The following ARIH1 variants were observed in gnomAD, a reference collection of about 807,000 sequenced individuals.
The protein encoded by ARIH1 is E3 ubiquitin-protein ligase ARIH1.
In ARIH1, 8 loss-of-function variants were observed where a neutral mutation model predicts 85.0. The ratio of observed to expected loss-of-function variants is 0.09; its 90% confidence interval spans 0.06 to 0.17. The LOEUF is 0.17. Ranked by LOEUF, ARIH1 falls within the 10% of genes least tolerant of loss-of-function variation. ARIH1 has a pLI of 1.00. For missense variants in ARIH1, 311 were observed against 718.1 expected (o/e 0.43, Z 6.48); for synonymous variants, 238 against 253.6 (o/e 0.94, Z 0.59).
At chr15:72,481,055 G>A (rs1415298777) in intron 1 of ARIH1, among the ~76,000 whole-genome samples, 1 of 152,216 alleles carries the variant, frequency 6.6e-6, no homozygotes, top group African/African-American at 2.4e-5. Context: ...AGGAGGAAGA[G>A]GGTGTACAAG....
At chr15:72,536,060 T>C (rs552986433) in intron 2 of ARIH1, among the ~76,000 whole-genome samples, 1 of 152,242 alleles carries the variant, frequency 6.6e-6, no homozygotes, top group African/African-American at 2.4e-5. Context: ...TTGGTAAAAC[T>C]GAAATAGTCA....
At position 72,555,376 on chromosome 15, in the gene ARIH1, AGTT is replaced by A. The variant is rs1567354914; in HGVS notation, c.681+17_681+19del. 3 of 1,598,128 alleles carry A rather than the reference AGTT, an allele frequency of 1.9e-6. No homozygotes were observed. Among genetic ancestry groups the A allele is most frequent in the Non-Finnish European group, 2.6e-6 (3 of 1,166,390 alleles). On this transcript the variant is annotated intron_variant, in intron 4 of 13. Transcript: ENST00000379887. ...AGGCATGGGTCAGGTAAAGATATCAAGTTGTTTTTCAGTTTTTGTTGAATTTCC... is the reference window on the plus strand; with the variant it reads ...AGGCATGGGTCAGGTAAAGATATCAAGTTTTTCAGTTTTTGTTGAATTTCC...
rs377240767 is a variant in ARIH1 at position 72,572,061 on chromosome 15, T to A, written c.1158-47T>A. ...AATTCTGATTTTTTTTTTTTCCTTT[T>A]CATTGATTTTTTTTTTCTTTATGGA... is the stretch of plus-strand genomic sequence containing the variant. On this transcript the variant is annotated intron_variant, in intron 10 of 13. Coordinates refer to ENST00000379887, the MANE Select transcript of ARIH1 (RefSeq NM_005744.5). 2.2e-6 allele frequency: 3 copies of A among 1,346,658 alleles called. No homozygotes were observed. The African/African-American group carries it at 4.4e-5, about 20-fold the overall frequency. The allele number at this position is 1,346,658 out of a possible 1,614,324, so 83.4% of individuals were successfully genotyped here.
intron 2 of ARIH1, among the ~76,000 whole-genome samples, chr15:72,524,045 C>T (rs1230502196): frequency 6.8e-6 from 1 of 146,352 alleles, no homozygotes; most frequent in Non-Finnish European, 1.5e-5. Flanking sequence ...CTCCCGGGCT[C>T]ACGCCATTCT....
At chr15:72,501,901 C>A (rs927386311) in intron 1 of ARIH1, among the ~76,000 whole-genome samples, 1 of 151,886 alleles carries the variant, frequency 6.6e-6, no homozygotes, top group Non-Finnish European at 1.5e-5. Flanking sequence ...GCTTTTTTGC[C>A]CCTATAAGGA....
rs575884888 is a variant in ARIH1 at position 72,592,671 on chromosome 15, A to G, written c.*9379A>G. ...TTACATATAAGTGGAATCATATAAT[A>G]ATGTACTCTTTTGCATCTGGCTTCT... On this transcript the variant is annotated 3_prime_UTR_variant, in exon 14 of 14. Transcript: ENST00000379887. 10 of 152,308 alleles carry G rather than the reference A, an allele frequency of 6.6e-5. No homozygotes were observed. The East Asian group carries it at 1.9e-3, about 29-fold the overall frequency. The allele number at this position is 152,308 out of a possible 1,614,324, so 9.4% of individuals were successfully genotyped here. A position where few individuals can be genotyped will look rare whatever the true frequency, so the allele number is the denominator to read the frequency against.
chr15:72,503,687 T>G (rs2063912709), intron 1 of ARIH1, among the ~76,000 whole-genome samples: 1 of 152,202 alleles, frequency 6.6e-6, no homozygotes, highest in Non-Finnish European at 1.5e-5. Flanking sequence ...ACTCTTACAT[T>G]TAGTAGATGG....
At position 72,588,992 on chromosome 15, in the gene ARIH1, A is replaced by G. The variant is rs2064329590; in HGVS notation, c.*5700A>G. The G allele has an allele frequency of 2.0e-5, 3 of 152,320 alleles. No individual in the cohort carries two copies. The South Asian group carries it at 6.2e-4, about 32-fold the overall frequency. The allele number at this position is 152,320 out of a possible 1,614,324, so 9.4% of individuals were successfully genotyped here. Reference sequence around the variant, plus strand: ...TTCTCATGTCTATCATTCTTTTGATAATCTTGTATTTTTATTTCAAGTGTG... The same window carrying G: ...TTCTCATGTCTATCATTCTTTTGATGATCTTGTATTTTTATTTCAAGTGTG... On this transcript the variant is annotated 3_prime_UTR_variant, in exon 14 of 14. Transcript: ENST00000379887.
At chr15:72,490,581 TCCATGAAACCAGTCCCTAGTGC>T (rs2063855219) in intron 1 of ARIH1, among the ~76,000 whole-genome samples, 2 of 152,130 alleles carry the variant, frequency 1.3e-5, no homozygotes, top group South Asian at 4.1e-4. Flanking sequence ...AAAATTGTCT[TCCATGAAACCAGTCCCTAGTGC>T]CAAAAAGTTG....
rs2064350461 is a variant in ARIH1, at chr15:72,593,363, T to A, written c.*10071T>A. 1 of 152,138 alleles carries A rather than the reference T, an allele frequency of 6.6e-6. No individual in the cohort carries two copies. Among genetic ancestry groups the A allele is most frequent in the African/African-American group, 2.4e-5 (1 of 41,442 alleles). 9.4% of individuals were successfully genotyped at this position (152,138 alleles called of 1,614,324 possible). A position where few individuals can be genotyped will look rare whatever the true frequency, so the allele number is the denominator to read the frequency against. ...TATTGGGATCTTTCGATGAACAAAT[T>A]TTTTTTATAAAATCCACTTTATCAG... is the stretch of plus-strand genomic sequence containing the variant. On this transcript the variant is annotated 3_prime_UTR_variant, in exon 14 of 14. Coordinates refer to ENST00000379887, the MANE Select transcript of ARIH1 (RefSeq NM_005744.5).
intron 11 of ARIH1, chr15:72,580,481 T>C: frequency 2.2e-6 from 1 of 450,472 alleles, no homozygotes; most frequent in South Asian, 3.3e-5. Context: ...GGTGGTTTTG[T>C]TTTCAGTTTT....
intron 2 of ARIH1, among the ~76,000 whole-genome samples, chr15:72,531,193 C>G (rs1384263754): frequency 2.6e-5 from 4 of 152,110 alleles, no homozygotes; most frequent in Non-Finnish European, 5.9e-5. Flanking sequence ...CTGTTAAGAT[C>G]ATGAAATTTC....
intron 1 of ARIH1, among the ~76,000 whole-genome samples, chr15:72,496,266 C>G (rs1224101799): frequency 1.3e-5 from 2 of 152,160 alleles, no homozygotes; most frequent in African/African-American, 4.8e-5. Flanking sequence ...AATACTGTTA[C>G]ATATTGTTTT....
chr15:72,520,594 G>A (rs574716828), intron 2 of ARIH1, among the ~76,000 whole-genome samples: 6 of 151,868 alleles, frequency 4.0e-5, no homozygotes, highest in Non-Finnish European at 8.8e-5. Context: ...TTTTCTGTTC[G>A]CTTATTCTGT....
chr15:72,539,682 A>G (rs1168680707), intron 2 of ARIH1, among the ~76,000 whole-genome samples: 1 of 152,218 alleles, frequency 6.6e-6, no homozygotes, highest in Admixed American at 6.5e-5. Context: ...TGACATTTCA[A>G]AAGAGAAAGT....
intron 7 of ARIH1, among the ~76,000 whole-genome samples, chr15:72,564,953 A>C (rs1486774030): frequency 6.6e-6 from 1 of 152,058 alleles, no homozygotes; most frequent in African/African-American, 2.4e-5. Context: ...TTTTAGGGGG[A>C]CACAAACATT....
intron 3 of ARIH1, among the ~76,000 whole-genome samples, chr15:72,548,600 G>A (rs1160517344): frequency 2.6e-5 from 4 of 152,306 alleles, no homozygotes; most frequent in South Asian, 4.1e-4. Flanking sequence ...TAAGTGTTCC[G>A]AAAAGTATCA....
chr15:72,520,355 C>CTT (rs918763301), intron 2 of ARIH1, among the ~76,000 whole-genome samples: 1 of 142,942 alleles, frequency 7.0e-6, no homozygotes. Flanking sequence ...CACTGCCACA[C>CTT]TTTTTTTTTT....
intron 1 of ARIH1, among the ~76,000 whole-genome samples, chr15:72,510,840 A>G (rs999690285): frequency 3.7e-5 from 5 of 134,678 alleles, no homozygotes; most frequent in Non-Finnish European, 7.9e-5. Context: ...ATGTGGGTCT[A>G]TTTCTGGTCT....
Sources: allele counts gnomAD v4.1 joint callset (sites outside exome capture counted in the v4.1 genomes callset), GRCh38; gene constraint gnomAD v4.1.1; transcripts MANE v1.5; gene names NCBI Gene and HGNC (gene_info 2026-07-23, HGNC 2026-07-21).